EHMT1: variants seen among roughly 807,000 people sequenced by gnomAD.
EHMT1 encodes histone-lysine N-methyltransferase EHMT1.
Under a neutral mutation model 147.2 loss-of-function variants are expected in EHMT1, and 15 were observed. The observed-to-expected ratio is 0.10, with a 90% CI of 0.07 to 0.16. EHMT1 has a LOEUF of 0.16. EHMT1 is among the 10% of genes least tolerant of loss of function. The probability of loss-of-function intolerance (pLI) is 1.00; values close to 1 mark genes in which losing one functional copy is unlikely to be tolerated. For missense variants in EHMT1, 1,587 were observed against 1,772.4 expected (o/e 0.90, Z 1.88); for synonymous variants, 795 against 709.6 (o/e 1.12, Z -1.91).
chr9:137,790,707 G>C, intron 15 of EHMT1, 141 bp from the exon 16 acceptor site: 1 of 1,105,628 alleles, frequency 9.0e-7, no homozygotes. Flanking sequence ...CTTTGAATAC[G>C]TGTTTAGAAA....
intron 18 of EHMT1, chr9:137,802,786 C>CA (rs1364769990): frequency 2.5e-5 from 31 of 1,229,638 alleles, no homozygotes; most frequent in Non-Finnish European, 3.1e-5. Context: ...CCGTGGGCTG[C>CA]AGGGCTTCCA....
intron 10 of EHMT1, among the ~76,000 whole-genome samples, chr9:137,765,952 A>G (rs1281804939): frequency 4.6e-5 from 7 of 152,120 alleles, no homozygotes; most frequent in African/African-American, 1.7e-4. Context: ...GCAACTCAGC[A>G]GGTTCCTCTG....
At chr9:137,622,178 G>A (rs1385702984) in intron 1 of EHMT1, among the ~76,000 whole-genome samples, 1 of 140,996 alleles carries the variant, frequency 7.1e-6, no homozygotes, top group Non-Finnish European at 1.5e-5. Context: ...GAGTGCAGTG[G>A]CCCGATCTTG....
chr9:137,718,311 G>C (rs1945567037), intron 3 of EHMT1, among the ~76,000 whole-genome samples: 1 of 152,270 alleles, frequency 6.6e-6, no homozygotes, highest in African/African-American at 2.4e-5. Flanking sequence ...AGTGTTCATG[G>C]TGCTTTTAGT....
intron 4 of EHMT1, among the ~76,000 whole-genome samples, chr9:137,736,623 G>A (rs991650445): frequency 6.6e-6 from 1 of 152,266 alleles, no homozygotes; most frequent in Non-Finnish European, 1.5e-5. Flanking sequence ...GGGCGCGATG[G>A]CGCACGCCTG....
At chr9:137,730,660 C>G (rs2135825898) in intron 4 of EHMT1, among the ~76,000 whole-genome samples, 1 of 152,296 alleles carries the variant, frequency 6.6e-6, no homozygotes, top group Non-Finnish European at 1.5e-5. Flanking sequence ...CCATTCCTAT[C>G]ATTATTTATT....
rs1409055029 is a variant in EHMT1, at chr9:137,717,007, C to T, written c.467C>T (p.Pro156Leu). 1 of 1,607,256 alleles carries T rather than the reference C, an allele frequency of 6.2e-7. No homozygotes were observed. The highest frequency in any genetic ancestry group is 8.5e-7 in the Non-Finnish European group (1 of 1,175,674). The change falls in exon 3 of 27, where the codon CCT becomes CTT. Residue 156 changes from proline (P) to leucine (L), a missense_variant. Physicochemically the swap from Pro to Leu is moderately conservative, Grantham distance 98. Around this residue, in one of 7 missense-constraint regions of EHMT1, gnomAD observed 810 missense variants for 673.0 expected, o/e 1.20. Transcript: ENST00000460843. ...SLPGHAAKTL[P>L]GGAGKGRTPS... ...CCTGGCCATGCTGCAAAAACCCTTC[C>T]TGGAGGGGCTGGCAAAGGCAGGACT...
At chr9:137,730,447 C>CAA (rs76723931) in intron 4 of EHMT1, among the ~76,000 whole-genome samples, 1 of 142,826 alleles carries the variant, frequency 7.0e-6, no homozygotes, top group Non-Finnish European at 1.5e-5. Flanking sequence ...ATTTACTTTA[C>CAA]AAAAAAAAAA....
chr9:137,772,088 C>T (rs1950623225), intron 10 of EHMT1, among the ~76,000 whole-genome samples: 1 of 152,084 alleles, frequency 6.6e-6, no homozygotes, highest in Non-Finnish European at 1.5e-5. Flanking sequence ...AAAGTGCTAC[C>T]TGTGTTCCGC....
chr9:137,829,045 G>A (rs776548546), intron 25 of EHMT1, among the ~76,000 whole-genome samples: 1 of 152,162 alleles, frequency 6.6e-6, no homozygotes, highest in South Asian at 2.1e-4. Context: ...CCCGGGTGGG[G>A]CATCCAGGCA....
chr9:137,724,293 A>C (rs1464126823), intron 3 of EHMT1, among the ~76,000 whole-genome samples: 1 of 146,424 alleles, frequency 6.8e-6, no homozygotes, highest in East Asian at 2.1e-4. Context: ...CCCTGCCAGG[A>C]GGGAGGAGCC....
At chr9:137,670,493 C>A (rs1411002982) in intron 1 of EHMT1, among the ~76,000 whole-genome samples, 1 of 152,106 alleles carries the variant, frequency 6.6e-6, no homozygotes, top group African/African-American at 2.4e-5. Context: ...TGTCCTGTGC[C>A]CACGTGCGAG....
At chr9:137,832,481 T>G (rs1431424568) in intron 25 of EHMT1, among the ~76,000 whole-genome samples, 4 of 138,150 alleles carry the variant, frequency 2.9e-5, no homozygotes, top group South Asian at 2.4e-4. Context: ...CCACGCGGCC[T>G]CTGCACCTCG....
intron 1 of EHMT1, among the ~76,000 whole-genome samples, chr9:137,692,057 A>G (rs1432798543): frequency 1.3e-5 from 2 of 152,204 alleles, no homozygotes; most frequent in Non-Finnish European, 2.9e-5. Flanking sequence ...AACTAATGAG[A>G]AGGGTGATGT....
At chr9:137,658,925 A>G (rs542340958) in intron 1 of EHMT1, among the ~76,000 whole-genome samples, 3 of 152,168 alleles carry the variant, frequency 2.0e-5, no homozygotes, top group African/African-American at 7.2e-5. Flanking sequence ...GTGCCAGCCC[A>G]GGAACACTTC....
chr9:137,724,458 A>G (rs1946397531), intron 3 of EHMT1, among the ~76,000 whole-genome samples: 1 of 152,246 alleles, frequency 6.6e-6, no homozygotes, highest in Non-Finnish European at 1.5e-5. Flanking sequence ...GAGTCCCAAC[A>G]AAACCTAAAT....
intron 15 of EHMT1, chr9:137,784,079 TA>T: frequency 1.7e-6 from 2 of 1,149,702 alleles, no homozygotes; most frequent in Non-Finnish European, 1.3e-6. Context: ...GGGTCATTTA[TA>T]AAGAAAAGAA....
intron 1 of EHMT1, among the ~76,000 whole-genome samples, chr9:137,699,232 C>T (rs1943640136): frequency 6.6e-6 from 1 of 152,218 alleles, no homozygotes; most frequent in Non-Finnish European, 1.5e-5. Flanking sequence ...AAGCATCTAA[C>T]ATCTAATGTA....
chr9:137,757,681 T>C (rs1949482518), intron 8 of EHMT1, among the ~76,000 whole-genome samples, 199 bp from the exon 9 acceptor site: 1 of 152,182 alleles, frequency 6.6e-6, no homozygotes, highest in Non-Finnish European at 1.5e-5. Flanking sequence ...AAAGGGGGAA[T>C]TAGCAAAATA....
Sources: allele counts gnomAD v4.1 joint callset (sites outside exome capture counted in the v4.1 genomes callset), GRCh38; gene constraint gnomAD v4.1.1; regional missense constraint gnomAD v4.1.1; transcripts MANE v1.5; gene names NCBI Gene and HGNC (gene_info 2026-07-23, HGNC 2026-07-21).